MSI2: variants seen among roughly 807,000 people sequenced by gnomAD.
The protein encoded by MSI2 is musashi RNA binding protein 2.
MSI2 carries 17 observed loss-of-function variants against 45.6 expected under a neutral mutation model. The observed-to-expected ratio is 0.37, with a 90% CI of 0.26 to 0.56. MSI2 has a LOEUF of 0.56. Among genes scored for constraint, MSI2 ranks in the 20% least tolerant of loss-of-function variants. The pLI is 0.77. For missense variants in MSI2, 293 were observed against 444.2 expected (o/e 0.66, Z 3.06); for synonymous variants, 156 against 158.2 (o/e 0.99, Z 0.11).
intron 5 of MSI2, among the ~76,000 whole-genome samples, chr17:57,283,233 G>C (rs553240210): frequency 6.6e-6 from 1 of 152,166 alleles, no homozygotes; most frequent in South Asian, 2.1e-4. Context: ...CACTAAGGGC[G>C]GAATCTGGCC....
chr17:57,505,601 A>T (rs546196545), intron 6 of MSI2, among the ~76,000 whole-genome samples: 1 of 152,232 alleles, frequency 6.6e-6, no homozygotes, highest in Non-Finnish European at 1.5e-5. Context: ...TTGCTTAAGC[A>T]GAAATGTGTA....
chr17:57,373,093 C>CA (rs1455601020), intron 5 of MSI2, among the ~76,000 whole-genome samples: 5 of 151,742 alleles, frequency 3.3e-5, no homozygotes, highest in Admixed American at 3.3e-4. Context: ...CTGTCTCTGC[C>CA]AAAAAATACA....
chr17:57,531,512 G>C (rs2086821827), intron 7 of MSI2, among the ~76,000 whole-genome samples: 2 of 152,284 alleles, frequency 1.3e-5, no homozygotes, highest in Admixed American at 1.3e-4. Context: ...GTCCAGATGG[G>C]AATGCATTTG....
chr17:57,487,495 T>C (rs1026176061), intron 6 of MSI2, among the ~76,000 whole-genome samples: 1 of 152,200 alleles, frequency 6.6e-6, no homozygotes, highest in Non-Finnish European at 1.5e-5. Flanking sequence ...AAAACTCTTC[T>C]CTTAACCTTC....
chr17:57,558,800 C>G (rs1224333686), intron 7 of MSI2, among the ~76,000 whole-genome samples: 1 of 152,216 alleles, frequency 6.6e-6, no homozygotes, highest in African/African-American at 2.4e-5. Context: ...GTGGCTCACG[C>G]CTGTAATTCC....
the MSI2 span, among the ~76,000 whole-genome samples, chr17:57,697,111 C>T: frequency 6.9e-6 from 1 of 145,248 alleles, no homozygotes; most frequent in African/African-American, 2.5e-5. Context: ...AGACCCACCC[C>T]ATCAACAGCC....
chr17:57,630,080 G>T (rs1422569230), intron 10 of MSI2: 1 of 152,238 alleles, frequency 6.6e-6, no homozygotes, highest in Non-Finnish European at 1.5e-5. Context: ...CCTGCCCCAG[G>T]CAGACGGACA....
At chr17:57,550,047 G>A (rs1443430942) in intron 7 of MSI2, among the ~76,000 whole-genome samples, 1 of 152,156 alleles carries the variant, frequency 6.6e-6, no homozygotes, top group Non-Finnish European at 1.5e-5. Context: ...AAGCCACCCT[G>A]CCTGTCTCCT....
chr17:57,567,832 C>A (rs1041430250), intron 7 of MSI2, among the ~76,000 whole-genome samples: 5 of 152,196 alleles, frequency 3.3e-5, no homozygotes, highest in South Asian at 4.1e-4. Context: ...TCTACAGTTA[C>A]AACAGATTAT....
intron 5 of MSI2, among the ~76,000 whole-genome samples, chr17:57,362,528 T>C (rs1319096332): frequency 6.6e-6 from 1 of 152,224 alleles, no homozygotes; most frequent in Non-Finnish European, 1.5e-5. Context: ...GCTGTTGTAA[T>C]GATCCGTCAA....
intron 7 of MSI2, among the ~76,000 whole-genome samples, chr17:57,558,919 G>C (rs1274059455): frequency 6.6e-6 from 1 of 152,126 alleles, no homozygotes; most frequent in Non-Finnish European, 1.5e-5. Context: ...AAAAAACAGC[G>C]AGGTGTGGTG....
At chr17:57,567,510 G>T (rs2087764242) in intron 7 of MSI2, among the ~76,000 whole-genome samples, 1 of 152,242 alleles carries the variant, frequency 6.6e-6, no homozygotes. Flanking sequence ...TCCCTGGGCT[G>T]GCAGCTTGCG....
intron 7 of MSI2, among the ~76,000 whole-genome samples, chr17:57,550,823 G>T (rs183618157): frequency 6.6e-6 from 1 of 152,232 alleles, no homozygotes; most frequent in South Asian, 2.1e-4. Context: ...AGGCACACAC[G>T]TAGCCCTCTG....
At chr17:57,546,820 C>G (rs2144157586) in intron 7 of MSI2, among the ~76,000 whole-genome samples, 1 of 152,312 alleles carries the variant, frequency 6.6e-6, no homozygotes, top group South Asian at 2.1e-4. Context: ...TGCTCTTGTC[C>G]CACGGCCACT....
intron 5 of MSI2, among the ~76,000 whole-genome samples, chr17:57,375,556 A>G (rs1409319880): frequency 6.6e-6 from 1 of 152,272 alleles, no homozygotes; most frequent in Admixed American, 6.5e-5. Context: ...TGGGGCTGTG[A>G]AGCCAGCCAG....
At chr17:57,447,596 G>A (rs1382351330) in intron 6 of MSI2, among the ~76,000 whole-genome samples, 3 of 151,712 alleles carry the variant, frequency 2.0e-5, no homozygotes, top group Non-Finnish European at 2.9e-5. Flanking sequence ...GGGTGGGGGG[G>A]GTGTCTCAGG....
Position 57,542,888 on chromosome 17 carries a change from T to C in MSI2, c.454+13164T>C, listed in dbSNP as rs531184781. Reference sequence around the variant, plus strand: ...TCCGTCGTCTGTGCCCATGACTTCTTGTAATTTTCCTTTGTGGCACTTCTC... The same window carrying C: ...TCCGTCGTCTGTGCCCATGACTTCTCGTAATTTTCCTTTGTGGCACTTCTC... On this transcript the variant is annotated intron_variant, in intron 7 of 13. Transcript: ENST00000284073. Among the ~76,000 whole-genome samples, 19 of 152,332 alleles carry C rather than the reference T, an allele frequency of 1.2e-4. No homozygotes were observed. In the South Asian group the frequency reaches 3.7e-3, roughly 30 times the overall value.
At chr17:57,333,255 T>C (rs1914414753) in intron 5 of MSI2, among the ~76,000 whole-genome samples, 1 of 152,166 alleles carries the variant, frequency 6.6e-6, no homozygotes, top group Non-Finnish European at 1.5e-5. Flanking sequence ...GTCTAGAACA[T>C]ATAAGCAGCC....
intron 8 of MSI2, among the ~76,000 whole-genome samples, chr17:57,604,742 G>A (rs1035286642): frequency 1.3e-5 from 2 of 152,208 alleles, no homozygotes; most frequent in Admixed American, 6.5e-5. Context: ...GGATAAGAAG[G>A]GAGGAGGGTC....
Sources: allele counts gnomAD v4.1 joint callset (sites outside exome capture counted in the v4.1 genomes callset), GRCh38; gene constraint gnomAD v4.1.1; transcripts MANE v1.5; gene names NCBI Gene and HGNC (gene_info 2026-07-23, HGNC 2026-07-21).